Variants in NIM1K observed in about 807,000 individuals in gnomAD.
NIM1K encodes the protein NIM1 serine/threonine protein kinase, also known as serine/threonine-protein kinase NIM1.
In NIM1K, 35 loss-of-function variants were observed where a neutral mutation model predicts 37.1. That is an observed-to-expected ratio of 0.94 (90% CI 0.72 to 1.25). The LOEUF is 1.25. Ranked by LOEUF, NIM1K falls within the 50% of genes most tolerant of loss-of-function variation. NIM1K has a pLI of 0.00. For missense variants in NIM1K, 564 were observed against 548.0 expected, an observed-to-expected ratio of 1.03 and a Z score of -0.29; for synonymous variants, 234 against 206.6, an observed-to-expected ratio of 1.13 and a Z score of -1.14.
intron 1 of NIM1K, among the ~76,000 whole-genome samples, chr5:43,203,632 G>A (rs1404691437): frequency 6.6e-6 from 1 of 152,110 alleles, no homozygotes; most frequent in Non-Finnish European, 1.5e-5. Context: ...ATTTGGCTAA[G>A]GTTTTTCTTT....
chr5:43,279,704 G>T (rs1753407695), intron 3 of NIM1K, among the ~76,000 whole-genome samples: 2 of 152,226 alleles, frequency 1.3e-5, no homozygotes, highest in Admixed American at 1.3e-4. Flanking sequence ...AGTTTCATAA[G>T]ATCTGGGTCT....
At position 43,213,286 on chromosome 5, in the gene NIM1K, TTTC is replaced by T. The variant is rs1385990293; in HGVS notation, c.-695+20876_-695+20878del. Among the ~76,000 whole-genome samples, 78 of 8,182 alleles carry T rather than the reference TTTC, an allele frequency of 9.5e-3. 1 individual carries two copies. The highest frequency in any genetic ancestry group is 0.029 in the Non-Finnish European group (48 of 1,684). 5.4% of individuals were successfully genotyped at this position (8,182 alleles called of 152,430 possible). A position where few individuals can be genotyped will look rare whatever the true frequency, so the allele number is the denominator to read the frequency against. ...TTGTTTCTTTTTCTTTCTTGTTTCC[TTTC>T]CTTTTCTTTTCTTTTCTTTTCTTTT... On this transcript the variant is annotated intron_variant, in intron 1 of 3. Coordinates refer to ENST00000326035, the MANE Select transcript of NIM1K (RefSeq NM_153361.4).
chr5:43,242,216 G>A (rs904261690), intron 1 of NIM1K, among the ~76,000 whole-genome samples: 1 of 151,936 alleles, frequency 6.6e-6, no homozygotes, highest in Non-Finnish European at 1.5e-5. Context: ...CCTCTCTGTT[G>A]AATTGGGAAG....
Position 43,196,357 on chromosome 5 carries a change from G to A in NIM1K, c.-695+3946G>A, listed in dbSNP as rs190537427. ...TAAAAGCTTATAACTGGCTGGGCGC[G>A]GTGGCTTACGCCTGTAATCCCAGCA... is the stretch of plus-strand genomic sequence containing the variant. On this transcript the variant is annotated intron_variant, in intron 1 of 3. Coordinates refer to ENST00000326035, the MANE Select transcript of NIM1K (RefSeq NM_153361.4). 5.3e-5 allele frequency among the ~76,000 whole-genome samples: 8 copies of A among 152,184 alleles called. No homozygotes were observed. In the East Asian group the frequency reaches 5.8e-4, roughly 11 times the overall value.
At chr5:43,272,916 A>C (rs993599859) in intron 2 of NIM1K, among the ~76,000 whole-genome samples, 2 of 151,950 alleles carry the variant, frequency 1.3e-5, no homozygotes, top group Non-Finnish European at 2.9e-5. Flanking sequence ...CACCATCCCC[A>C]CTAACTCCCT....
At chr5:43,256,926 C>T (rs1227186153) in intron 2 of NIM1K, among the ~76,000 whole-genome samples, 1 of 152,202 alleles carries the variant, frequency 6.6e-6, no homozygotes, top group Non-Finnish European at 1.5e-5. Context: ...CCCTCATAAA[C>T]TGCTTGCACT....
chr5:43,251,675 T>C (rs1268986778), intron 2 of NIM1K, among the ~76,000 whole-genome samples: 1 of 152,194 alleles, frequency 6.6e-6, no homozygotes, highest in Non-Finnish European at 1.5e-5. Flanking sequence ...ATTTCTACTT[T>C]TCTTGATGAA....
Position 43,245,975 on chromosome 5 carries a change from TG to T in NIM1K, c.204del (p.Lys69AsnfsTer3). 1 of 1,614,010 alleles carries T rather than the reference TG, an allele frequency of 6.2e-7. No individual in the cohort carries two copies. The highest frequency in any genetic ancestry group is 8.5e-7 in the Non-Finnish European group (1 of 1,179,980). On this transcript the variant is annotated frameshift_variant, in exon 2 of 4. Transcript: ENST00000326035. LOFTEE classifies it high-confidence loss of function. Reference sequence around the variant, plus strand: ...GAGAAGGTGGTGAGGGAGATCACGCTGGGGAAACGGATAGGCTTCTACCGAA... The same window carrying T: ...GAGAAGGTGGTGAGGGAGATCACGCTGGGAAACGGATAGGCTTCTACCGAA... ...QDEKVVREIT[L>X]GKRIGFYRIR...
intron 1 of NIM1K, among the ~76,000 whole-genome samples, chr5:43,218,118 C>T (rs1217655261): frequency 6.6e-6 from 1 of 152,122 alleles, no homozygotes; most frequent in Non-Finnish European, 1.5e-5. Context: ...TCAAGTGATT[C>T]TCCTGTCTCA....
intron 3 of NIM1K, among the ~76,000 whole-genome samples, chr5:43,279,294 T>C (rs954758778): frequency 6.6e-6 from 1 of 152,202 alleles, no homozygotes; most frequent in African/African-American, 2.4e-5. Flanking sequence ...CCAGCTGGTA[T>C]AGTTGAACCT....
intron 1 of NIM1K, among the ~76,000 whole-genome samples, chr5:43,230,478 A>G (rs1189462620): frequency 2.0e-5 from 3 of 152,128 alleles, no homozygotes; most frequent in Admixed American, 1.3e-4. Flanking sequence ...AAACTAAACT[A>G]TAGCCAAAAC....
At chr5:43,225,055 C>T (rs1487144069) in intron 1 of NIM1K, among the ~76,000 whole-genome samples, 1 of 151,938 alleles carries the variant, frequency 6.6e-6, no homozygotes, top group African/African-American at 2.4e-5. Context: ...AAGTTGTTTT[C>T]CAGGAATTCT....
intron 2 of NIM1K, among the ~76,000 whole-genome samples, chr5:43,253,611 T>A (rs1752900541): frequency 6.6e-6 from 1 of 151,664 alleles, no homozygotes; most frequent in Non-Finnish European, 1.5e-5. Flanking sequence ...TCATGGAAAA[T>A]CTTCTTGCAT....
chr5:43,272,530 G>A (rs970937304), intron 2 of NIM1K, among the ~76,000 whole-genome samples: 4 of 152,098 alleles, frequency 2.6e-5, no homozygotes, highest in Non-Finnish European at 5.9e-5. Context: ...TGCAGGGGAA[G>A]GAAGGAGAAG....
intron 2 of NIM1K, among the ~76,000 whole-genome samples, chr5:43,252,491 GAAT>G (rs1752879632): frequency 6.6e-6 from 1 of 151,552 alleles, no homozygotes; most frequent in Admixed American, 6.6e-5. Flanking sequence ...AGGACAGTTT[GAAT>G]AAGATAATAG....
intron 1 of NIM1K, among the ~76,000 whole-genome samples, chr5:43,243,300 C>G (rs191265530): frequency 2.3e-3 from 345 of 152,268 alleles, no homozygotes; most frequent in African/African-American, 7.3e-3. Flanking sequence ...TGCAGAATTA[C>G]TACTTCATTC....
intron 1 of NIM1K, among the ~76,000 whole-genome samples, chr5:43,237,302 T>C (rs943137852): frequency 6.6e-6 from 1 of 152,256 alleles, no homozygotes; most frequent in African/African-American, 2.4e-5. Flanking sequence ...CCAAGTAAGC[T>C]CTGTTTTCTT....
Position 43,199,281 on chromosome 5 carries a change from A to AAT in NIM1K, c.-695+6883_-695+6884dup, listed in dbSNP as rs70994604. On this transcript the variant is annotated intron_variant, in intron 1 of 3. Transcript: ENST00000326035. ...ATAAATGAAATGCCATCTCTACTAAAATATATATATATATGTATAAAGTAG... is the reference window on the plus strand; with the variant it reads ...ATAAATGAAATGCCATCTCTACTAAAATATATATATATATATGTATAAAGTAG... 8.1e-3 allele frequency among the ~76,000 whole-genome samples: 1,178 copies of AAT among 145,498 alleles called. 4 individuals are homozygous for AAT. The highest frequency in any genetic ancestry group is 0.014 in the Middle Eastern group (4 of 276).
At chr5:43,258,444 CTTTTTT>C (rs747012000) in intron 2 of NIM1K, among the ~76,000 whole-genome samples, 1 of 141,870 alleles carries the variant, frequency 7.0e-6, no homozygotes, top group African/African-American at 2.6e-5. Context: ...TTTTGGTAAA[CTTTTTT>C]TTTTTTTTTG....
Sources: gnomAD v4.1 joint callset for allele counts (sites outside exome capture counted in the v4.1 genomes callset) on GRCh38, gnomAD v4.1.1 for gene constraint, MANE v1.5 for transcripts, NCBI Gene and HGNC (gene_info 2026-07-23, HGNC 2026-07-21) for gene names.